ATP2B2: variants seen among roughly 807,000 people sequenced by gnomAD.
ATP2B2 encodes the protein plasma membrane calcium-transporting ATPase 2.
ATP2B2 carries 15 observed loss-of-function variants against 120.0 expected under a neutral mutation model. The ratio of observed to expected loss-of-function variants is 0.12; its 90% CI spans 0.08 to 0.19. The LOEUF (loss-of-function observed/expected upper bound fraction) is 0.19, where lower values mean the gene tolerates loss of function less well. Ranked by LOEUF, ATP2B2 falls within the 10% of genes least tolerant of loss-of-function variation. ATP2B2 has a pLI of 1.00. For missense variants in ATP2B2, 1,045 were observed against 1,719.8 expected, an observed-to-expected ratio of 0.61 and a Z score of 6.94; for synonymous variants, 694 against 700.3, an observed-to-expected ratio of 0.99 and a Z score of 0.14.
intron 1 of ATP2B2, among the ~76,000 whole-genome samples, chr3:10,497,864 T>G (rs1290520964): frequency 6.6e-6 from 1 of 152,200 alleles, no homozygotes; most frequent in Non-Finnish European, 1.5e-5. Flanking sequence ...CTTTTGCTGA[T>G]TGTTTCAGAG....
At chr3:10,362,865 T>C (rs756299727) in intron 12 of ATP2B2, among the ~76,000 whole-genome samples, 4 of 152,192 alleles carry the variant, frequency 2.6e-5, no homozygotes, top group Non-Finnish European at 5.9e-5. Context: ...TATATACATA[T>C]ACATATATAT....
chr3:10,557,759 A>G (rs2067812982), intron 2 of ATP2B2, among the ~76,000 whole-genome samples: 2 of 152,184 alleles, frequency 1.3e-5, no homozygotes, highest in African/African-American at 4.8e-5. Context: ...TTATCTCAGT[A>G]CCTGGCAGGC....
intron 1 of ATP2B2, among the ~76,000 whole-genome samples, chr3:10,677,293 AAAG>A (rs2071270780): frequency 6.6e-6 from 1 of 152,216 alleles, no homozygotes. Context: ...TTGCTAAGTG[AAAG>A]AAGCCAACCT....
chr3:10,465,592 G>A (rs1445588079), intron 1 of ATP2B2, among the ~76,000 whole-genome samples: 1 of 152,186 alleles, frequency 6.6e-6, no homozygotes, highest in Non-Finnish European at 1.5e-5. Context: ...GATGTGGTTG[G>A]AACCTAGGTT....
In ATP2B2 at chr3:10,615,673, T is replaced by C. The variant is rs1016182980; in HGVS notation, c.-415+4244A>G. ...CAACCATCACCATCCACATCCAACT[T>C]GCTCATCCTAGTCCTTCTCTCCACC... On this transcript the variant is annotated intron_variant, in intron 2 of 21. Coordinates refer to the ATP2B2 transcript ENST00000646379. Among the ~76,000 whole-genome samples, 3 of 152,318 alleles carry C rather than the reference T, an allele frequency of 2.0e-5. No homozygotes were observed. In the South Asian group the frequency reaches 6.2e-4, roughly 32 times the overall value.
At chr3:10,385,505 C>T (rs1267574221) in intron 7 of ATP2B2, among the ~76,000 whole-genome samples, 178 bp from the exon 8 acceptor site, 1 of 152,076 alleles carries the variant, frequency 6.6e-6, no homozygotes, top group East Asian at 1.9e-4. Context: ...CATAGAGATG[C>T]CGCAGAGGTT....
chr3:10,659,347 C>T (rs1278900276), intron 1 of ATP2B2, among the ~76,000 whole-genome samples: 3 of 152,098 alleles, frequency 2.0e-5, no homozygotes, highest in Non-Finnish European at 4.4e-5. Context: ...ATTCAGGAAA[C>T]CCATCTCATG....
chr3:10,661,382 A>G (rs541174583), intron 1 of ATP2B2, among the ~76,000 whole-genome samples: 5 of 152,324 alleles, frequency 3.3e-5, no homozygotes, highest in African/African-American at 1.2e-4. Flanking sequence ...CTTAAGCTGA[A>G]TAAGCAACTT....
intron 2 of ATP2B2, among the ~76,000 whole-genome samples, chr3:10,561,767 C>T (rs1211433298): frequency 1.3e-5 from 2 of 152,194 alleles, no homozygotes; most frequent in Admixed American, 6.5e-5. Context: ...CCATGTGAGA[C>T]GTGCCTTTTG....
At chr3:10,421,103 T>C (rs1011775513) in intron 2 of ATP2B2, among the ~76,000 whole-genome samples, 1 of 152,018 alleles carries the variant, frequency 6.6e-6, no homozygotes, top group African/African-American at 2.4e-5. Context: ...GCCAGCTGCA[T>C]TGTCCTTGGC....
At chr3:10,409,379 G>A (rs954667038) in intron 3 of ATP2B2, among the ~76,000 whole-genome samples, 22 of 151,884 alleles carry the variant, frequency 1.4e-4, no homozygotes, top group African/African-American at 4.1e-4. Flanking sequence ...TAAAATTTTT[G>A]TTTTATTATT....
chr3:10,612,101 T>C (rs2069255274), intron 2 of ATP2B2, among the ~76,000 whole-genome samples: 1 of 152,178 alleles, frequency 6.6e-6, no homozygotes, highest in Non-Finnish European at 1.5e-5. Flanking sequence ...CTACAACTCC[T>C]GGCTCAGCAC....
At chr3:10,457,514 G>A (rs1244653151) in intron 1 of ATP2B2, among the ~76,000 whole-genome samples, 3 of 152,020 alleles carry the variant, frequency 2.0e-5, no homozygotes, top group African/African-American at 7.2e-5. Flanking sequence ...CAAAGGACAA[G>A]GTGTGCCACA....
chr3:10,685,243 C>T (rs1032484510), intron 1 of ATP2B2, among the ~76,000 whole-genome samples: 5 of 152,312 alleles, frequency 3.3e-5, no homozygotes, highest in African/African-American at 4.8e-5. Context: ...AGGTATCTAA[C>T]GGCAGGAATA....
At chr3:10,399,990 A>C (rs967315495) in intron 5 of ATP2B2, among the ~76,000 whole-genome samples, 3 of 152,112 alleles carry the variant, frequency 2.0e-5, no homozygotes, top group African/African-American at 4.8e-5. Context: ...CTGGGCCTGA[A>C]TCACTGGTGG....
chr3:10,501,269 C>T (rs1006095083), intron 1 of ATP2B2, among the ~76,000 whole-genome samples: 9 of 152,304 alleles, frequency 5.9e-5, no homozygotes, highest in Non-Finnish European at 7.4e-5. Context: ...TGCCTCCCGC[C>T]GCCTCCATCC....
At chr3:10,668,555 G>T (rs2071009525) in intron 1 of ATP2B2, among the ~76,000 whole-genome samples, 1 of 151,994 alleles carries the variant, frequency 6.6e-6, no homozygotes, top group African/African-American at 2.4e-5. Context: ...CATCCCACAA[G>T]ATTCTTTCCC....
chr3:10,498,834 T>C (rs980987175), intron 1 of ATP2B2, among the ~76,000 whole-genome samples: 13 of 152,118 alleles, frequency 8.5e-5, no homozygotes, highest in African/African-American at 3.1e-4. Flanking sequence ...CTCCCAATTT[T>C]CCCAAATCAA....
chr3:10,608,903 C>CATTA (rs2069153599), intron 2 of ATP2B2, among the ~76,000 whole-genome samples: 1 of 152,122 alleles, frequency 6.6e-6, no homozygotes, highest in Non-Finnish European at 1.5e-5. Context: ...TGCACAAGGC[C>CATTA]CTCAATAAAC....
Sources: allele counts gnomAD v4.1 joint callset (sites outside exome capture counted in the v4.1 genomes callset), GRCh38; gene constraint gnomAD v4.1.1; transcripts MANE v1.5; gene names NCBI Gene and HGNC (gene_info 2026-07-23, HGNC 2026-07-21).